ENTPD3: variants seen among roughly 807,000 people sequenced by gnomAD.
ENTPD3 encodes CD39 antigen-like 3.
A neutral mutation model predicts 51.2 loss-of-function variants in ENTPD3; 60 were observed. The ratio of observed to expected loss-of-function variants is 1.17; its 90% CI spans 0.95 to 1.45. The LOEUF (loss-of-function observed/expected upper bound fraction) is 1.45. ENTPD3 is among the 40% of genes most tolerant of loss of function. The pLI, the probability that ENTPD3 is intolerant of heterozygous loss-of-function variation, is 0.00. For synonymous variants in ENTPD3, 221 were observed against 238.4 expected (o/e 0.93, Z 0.67); for missense variants, 593 against 641.1 (o/e 0.93, Z 0.81).
chr3:40,392,610 T>G, intron 3 of ENTPD3: 1 of 153,802 alleles, frequency 6.5e-6, no homozygotes, highest in Non-Finnish European at 1.4e-5. Flanking sequence ...GTTAGTGCAC[T>G]TTCCATTTTG....
Position 40,415,968 on chromosome 3 carries a change from C to CT in ENTPD3, c.726_727insT (p.Met243TyrfsTer24), listed in dbSNP as rs1159543793. ...AGATGGATCTGAACACCAGCGACAT[C>CT]ATGCAGGTGTCCCTGTATGGCTACG... is the stretch of plus-strand genomic sequence containing the variant. On this transcript the variant is annotated frameshift_variant, in exon 7 of 11. Transcript: ENST00000301825. LOFTEE classifies it high-confidence loss of function. 6.2e-7 allele frequency: 1 copy of CT among 1,613,992 alleles called. No homozygotes were observed. Among genetic ancestry groups the CT allele is most frequent in the Admixed American group, 1.7e-5 (1 of 60,014 alleles).
intron 1 of ENTPD3, among the ~76,000 whole-genome samples, chr3:40,387,619 T>C (rs1277052272): frequency 2.0e-5 from 3 of 152,004 alleles, no homozygotes; most frequent in African/African-American, 7.2e-5. Context: ...AAGACTCCCT[T>C]CCCGGGGCTT....
chr3:40,388,188 G>A, intron 2 of ENTPD3, 91 bp downstream of exon 2: 2 of 1,162,358 alleles, frequency 1.7e-6, no homozygotes, highest in East Asian at 2.4e-5. Context: ...CATATCCCCT[G>A]CAAATGATTG....
At chr3:40,422,539 G>A (rs1330167486) in intron 7 of ENTPD3, among the ~76,000 whole-genome samples, 8 of 125,282 alleles carry the variant, frequency 6.4e-5, no homozygotes, top group African/African-American at 2.4e-4. Flanking sequence ...CCCAGAGTGT[G>A]ATGTTCCCCT....
intron 10 of ENTPD3, chr3:40,424,263 A>G (rs1955941421): frequency 3.2e-6 from 2 of 620,608 alleles, no homozygotes; most frequent in Non-Finnish European, 4.0e-6. Context: ...CAAGGAATAG[A>G]GCCTAGAAGG....
At chr3:40,394,146 G>A (rs553158840) in intron 3 of ENTPD3, among the ~76,000 whole-genome samples, 6 of 150,982 alleles carry the variant, frequency 4.0e-5, no homozygotes, top group African/African-American at 1.5e-4. Context: ...ACGGAGTCGT[G>A]CTCCGTCACC....
At chr3:40,410,303 C>G (rs958414571) in intron 4 of ENTPD3, among the ~76,000 whole-genome samples, 1 of 151,742 alleles carries the variant, frequency 6.6e-6, no homozygotes, top group Non-Finnish European at 1.5e-5. Context: ...TAGCCAGGCA[C>G]GGTGGCACGT....
At chr3:40,417,507 G>A (rs1239909906) in intron 7 of ENTPD3, among the ~76,000 whole-genome samples, 1 of 151,980 alleles carries the variant, frequency 6.6e-6, no homozygotes, top group Non-Finnish European at 1.5e-5. Flanking sequence ...CAGCAAGGGG[G>A]AAATCCACCC....
chr3:40,425,987 A>G (rs1179755678), intron 10 of ENTPD3, among the ~76,000 whole-genome samples: 2 of 151,806 alleles, frequency 1.3e-5, no homozygotes, highest in Non-Finnish European at 2.9e-5. Flanking sequence ...TGACTCAAGT[A>G]TAGAAAATAT....
intron 7 of ENTPD3, among the ~76,000 whole-genome samples, chr3:40,421,025 A>T (rs946397413): frequency 1.3e-4 from 19 of 142,208 alleles, no homozygotes; most frequent in African/African-American, 2.1e-4. Context: ...ATTAATTTAA[A>T]TTTTTTTTTT....
rs145124056 is a variant in ENTPD3 at position 40,411,953 on chromosome 3, G to C, written c.428G>C (p.Arg143Pro). ...CACCTGGGAGCCACGGCTGGGATGC[G>C]CTTGCTGAGGTAAAGGCTAAGTGGC... ...PIHLGATAGM[R>P]LLRLQNETAA... Residue 143 changes from arginine (R) to proline (P), a missense_variant, in exon 5 of 11, where the codon CGC becomes CCC. Coordinates refer to ENST00000301825, the MANE Select transcript of ENTPD3 (RefSeq NM_001248.4). 6.2e-7 allele frequency: 1 copy of C among 1,609,920 alleles called. No homozygotes were observed. Among genetic ancestry groups the C allele is most frequent in the Non-Finnish European group, 8.5e-7 (1 of 1,178,358 alleles).
intron 2 of ENTPD3, among the ~76,000 whole-genome samples, chr3:40,390,435 C>CT (rs748029978): frequency 5.3e-5 from 8 of 152,134 alleles, no homozygotes; most frequent in South Asian, 2.1e-4. Flanking sequence ...TGGCCTCAAG[C>CT]ATCTTCCCAT....
intron 4 of ENTPD3, among the ~76,000 whole-genome samples, chr3:40,407,870 TG>T (rs1955540752): frequency 6.6e-6 from 1 of 152,016 alleles, no homozygotes; most frequent in Non-Finnish European, 1.5e-5. Flanking sequence ...CAGACAGACA[TG>T]ATATGCCCCC....
At chr3:40,417,157 A>C (rs757211891) in intron 7 of ENTPD3, among the ~76,000 whole-genome samples, 68 of 152,226 alleles carry the variant, frequency 4.5e-4, no homozygotes, top group Non-Finnish European at 8.8e-4. Context: ...TATTGTCAGG[A>C]GAGTCTGAGC....
chr3:40,393,688 G>T (rs1005601610), intron 3 of ENTPD3, among the ~76,000 whole-genome samples: 2 of 151,978 alleles, frequency 1.3e-5, no homozygotes, highest in African/African-American at 4.8e-5. Flanking sequence ...CCAATAATGA[G>T]AAGAAAGCAA....
At chr3:40,391,930 C>A (rs896284230) in intron 2 of ENTPD3, 93 bp from the exon 3 acceptor site, 21 of 1,477,956 alleles carry the variant, frequency 1.4e-5, no homozygotes, top group Non-Finnish European at 1.8e-5. Flanking sequence ...GTTTATGCAC[C>A]TGATTATGGG....
chr3:40,391,044 C>A (rs1260693436), intron 2 of ENTPD3: 1 of 152,232 alleles, frequency 6.6e-6, no homozygotes, highest in Non-Finnish European at 1.5e-5. Context: ...CTCATTGCAA[C>A]CTCCACCTCC....
At chr3:40,418,581 T>C (rs1035669226) in intron 7 of ENTPD3, among the ~76,000 whole-genome samples, 1 of 152,248 alleles carries the variant, frequency 6.6e-6, no homozygotes, top group Admixed American at 6.5e-5. Context: ...ATTCACTTTC[T>C]ATCTTTCCCT....
chr3:40,427,656 C>A lies in ENTPD3; in HGVS notation c.*148C>A, dbSNP rs2125615210. The A allele has an allele frequency of 3.1e-6, 2 of 642,206 alleles. No individual in the cohort carries two copies. The highest frequency in any genetic ancestry group is 5.2e-5 in the East Asian group (2 of 38,244). 39.8% of individuals were successfully genotyped at this position (642,206 alleles called of 1,614,324 possible). On this transcript the variant is annotated 3_prime_UTR_variant, in exon 11 of 11. Coordinates refer to ENST00000301825, the MANE Select transcript of ENTPD3 (RefSeq NM_001248.4). ...CGTGCCTCTCAAATACTGATTTCTG[C>A]CACAGCACCTCTTGAGGCATCCCTT...
Sources: allele counts gnomAD v4.1 joint callset (sites outside exome capture counted in the v4.1 genomes callset), GRCh38; gene constraint gnomAD v4.1.1; transcripts MANE v1.5; gene names NCBI Gene and HGNC (gene_info 2026-07-23, HGNC 2026-07-21).